RAPGEF2: variants seen among roughly 807,000 people sequenced by gnomAD.
RAPGEF2 encodes Rap guanine nucleotide exchange factor 2, also known as PDZ domain containing guanine nucleotide exchange factor (GEF) 1.
RAPGEF2 carries 54 observed loss-of-function variants against 186.7 expected under a neutral mutation model. That is an observed-to-expected ratio of 0.29 (90% CI 0.23 to 0.36). The LOEUF is 0.36. Ranked by LOEUF, RAPGEF2 falls within the 10% of genes least tolerant of loss-of-function variation. The pLI, the probability that RAPGEF2 is intolerant of heterozygous loss-of-function variation, is 1.00. For synonymous variants in RAPGEF2, 712 were observed against 705.9 expected (o/e 1.01, Z -0.14); for missense variants, 1,532 against 2,045.0 (o/e 0.75, Z 4.84).
At chr4:159,163,966 T>A (rs1202148410) in intron 1 of RAPGEF2, among the ~76,000 whole-genome samples, 2 of 152,180 alleles carry the variant, frequency 1.3e-5, no homozygotes, top group African/African-American at 4.8e-5. Flanking sequence ...ACTTCAAAGT[T>A]TGTTGGGTAG....
intron 7 of RAPGEF2, among the ~76,000 whole-genome samples, chr4:159,272,067 C>T (rs747675774): frequency 6.6e-6 from 1 of 152,092 alleles, no homozygotes; most frequent in Non-Finnish European, 1.5e-5. Context: ...AGTGCCTGAC[C>T]GTGGCCATTT....
At chr4:159,235,919 A>T (rs1329227367) in intron 4 of RAPGEF2, among the ~76,000 whole-genome samples, 1 of 152,186 alleles carries the variant, frequency 6.6e-6, no homozygotes, top group Non-Finnish European at 1.5e-5. Flanking sequence ...CTAAGAGCAC[A>T]TCATCTCTGT....
In RAPGEF2 at chr4:159,345,150, C is replaced by T; in HGVS notation, c.3323C>T (p.Ala1108Val). Residue 1108 changes from alanine to valine, a missense_variant, in exon 24 of 30, where the codon GCT (alanine) becomes GTT (valine). Physicochemically the swap from Ala to Val is moderately conservative, Grantham distance 64 (BLOSUM62 0). Coordinates refer to ENST00000691494, the MANE Select transcript of RAPGEF2 (RefSeq NM_001394067.2). Reference sequence around the variant, plus strand: ...ACAAATGCAACAGTGCTAGATGTTGCTCAGACAGGTGGTCATAAAAAGCGG... The same window carrying T: ...ACAAATGCAACAGTGCTAGATGTTGTTCAGACAGGTGGTCATAAAAAGCGG... ...GSTNATVLDVAQTGGHKKRVR... is the reference protein window; with the variant it reads ...GSTNATVLDVVQTGGHKKRVR... 2 of 1,614,138 alleles carry T rather than the reference C, an allele frequency of 1.2e-6. No homozygotes were observed. The highest frequency in any genetic ancestry group is 1.7e-6 in the Non-Finnish European group (2 of 1,179,990).
At chr4:159,167,099 C>T (rs1745401893) in intron 1 of RAPGEF2, among the ~76,000 whole-genome samples, 1 of 152,014 alleles carries the variant, frequency 6.6e-6, no homozygotes. Context: ...AAAAGTATGA[C>T]AGGAGACTTT....
chr4:159,261,329 T>C (rs1264545052), intron 7 of RAPGEF2, among the ~76,000 whole-genome samples: 1 of 152,152 alleles, frequency 6.6e-6, no homozygotes, highest in Non-Finnish European at 1.5e-5. Flanking sequence ...CCCAAAGTGC[T>C]GGGATTACGG....
intron 1 of RAPGEF2, among the ~76,000 whole-genome samples, chr4:159,109,215 G>A (rs963216951): frequency 6.6e-6 from 1 of 152,124 alleles, no homozygotes; most frequent in African/African-American, 2.4e-5. Context: ...CTTTGGCCAG[G>A]AGTGGTGACA....
At chr4:159,175,747 G>A (rs781256842) in intron 1 of RAPGEF2, among the ~76,000 whole-genome samples, 1 of 152,170 alleles carries the variant, frequency 6.6e-6, no homozygotes, top group Non-Finnish European at 1.5e-5. Context: ...ATTTCAGCCT[G>A]TATAGGTGTG....
chr4:159,152,878 A>G (rs953328567), intron 1 of RAPGEF2, among the ~76,000 whole-genome samples: 2 of 152,162 alleles, frequency 1.3e-5, no homozygotes, highest in African/African-American at 4.8e-5. Context: ...GGCCTCCCAA[A>G]GTGCTGGGAT....
rs117116057 is a variant in RAPGEF2 at position 159,200,999 on chromosome 4, T to A, written c.197+7743T>A. ...TTGTAAATACCAAAGCCCTTAACTC[T>A]TGTTAGTCCTCCTTCTAAAATTTGG... On this transcript the variant is annotated intron_variant, in intron 3 of 29. Transcript: ENST00000691494. Among the ~76,000 whole-genome samples the A allele has an allele frequency of 1.7e-4, 26 of 152,354 alleles. 1 individual carries two copies. In the East Asian group the frequency reaches 5.0e-3, roughly 29 times the overall value.
At chr4:159,159,670 A>T (rs2111214509) in intron 1 of RAPGEF2, among the ~76,000 whole-genome samples, 1 of 152,366 alleles carries the variant, frequency 6.6e-6, no homozygotes, top group African/African-American at 2.4e-5. Context: ...TACACATATT[A>T]CAGCAAATTA....
At chr4:159,272,297 A>C (rs888084069) in intron 7 of RAPGEF2, among the ~76,000 whole-genome samples, 1 of 152,184 alleles carries the variant, frequency 6.6e-6, no homozygotes, top group Non-Finnish European at 1.5e-5. Context: ...CTAAATTGCT[A>C]TTGGTCACTT....
chr4:159,210,656 T>G, intron 4 of RAPGEF2, 73 bp downstream of exon 4: 1 of 1,168,978 alleles, frequency 8.6e-7, no homozygotes, highest in Non-Finnish European at 1.2e-6. Context: ...GTTCTAAAAT[T>G]CTTTTCTCTT....
intron 7 of RAPGEF2, chr4:159,267,226 A>G (rs537195640): frequency 7.8e-7 from 1 of 1,289,110 alleles, no homozygotes; most frequent in East Asian, 5.5e-5. Flanking sequence ...GGAATTTTTT[A>G]TTTAGAAAAG....
intron 4 of RAPGEF2, among the ~76,000 whole-genome samples, chr4:159,223,255 G>C (rs1751710145): frequency 6.6e-6 from 1 of 151,982 alleles, no homozygotes; most frequent in African/African-American, 2.4e-5. Flanking sequence ...ATAGAAAATA[G>C]AATTTCTGCT....
rs1294153377 is a variant in RAPGEF2, at chr4:159,300,800, C to CA, written c.544-3541dup. ...GTTTAGAGTAAGGGATGCTTGCTGT[C>CA]ACGTTGTGCCTTGTATATATTTCTC... On this transcript the variant is annotated intron_variant, in intron 7 of 29. Transcript: ENST00000691494. Among the ~76,000 whole-genome samples, 9 of 152,246 alleles carry CA rather than the reference C, an allele frequency of 5.9e-5. No homozygotes were observed. In the South Asian group the frequency reaches 6.2e-4, roughly 11 times the overall value.
intron 26 of RAPGEF2, chr4:159,351,122 C>T: frequency 6.5e-7 from 1 of 1,535,488 alleles, no homozygotes; most frequent in Non-Finnish European, 8.7e-7. Flanking sequence ...AGTTCCTCCT[C>T]TTCTCTTGGA....
At chr4:159,230,490 T>C (rs906273381) in intron 4 of RAPGEF2, among the ~76,000 whole-genome samples, 4 of 152,150 alleles carry the variant, frequency 2.6e-5, no homozygotes, top group Non-Finnish European at 5.9e-5. Flanking sequence ...TCTTTAAAAA[T>C]TAAGGAGTCT....
intron 1 of RAPGEF2, among the ~76,000 whole-genome samples, chr4:159,109,264 G>C (rs1253328251): frequency 6.6e-6 from 1 of 152,132 alleles, no homozygotes; most frequent in African/African-American, 2.4e-5. Context: ...GCTGAGGTGG[G>C]AGGATCTCTT....
At position 159,126,532 on chromosome 4, in the gene RAPGEF2, A is replaced by T. The variant is rs79453511; in HGVS notation, c.69+22301A>T. On this transcript the variant is annotated intron_variant, in intron 1 of 29. Coordinates refer to ENST00000691494, the MANE Select transcript of RAPGEF2 (RefSeq NM_001394067.2). ...TTATTCTATCTCCTGTCCAGGTTTT[A>T]AAAAAAAAAAAAAGCCTGATGCCTC... Among the ~76,000 whole-genome samples the T allele has an allele frequency of 6.5e-3, 808 of 125,260 alleles. 3 individuals carry two copies. Among genetic ancestry groups the T allele is most frequent in the Non-Finnish European group, 7.6e-3 (427 of 56,426 alleles). 82.2% of individuals were successfully genotyped at this position (125,260 alleles called of 152,430 possible). A position where few individuals can be genotyped will look rare whatever the true frequency, so the allele number is the denominator to read the frequency against.
Sources: allele counts gnomAD v4.1 joint callset (sites outside exome capture counted in the v4.1 genomes callset), GRCh38; gene constraint gnomAD v4.1.1; transcripts MANE v1.5; gene names NCBI Gene and HGNC (gene_info 2026-07-23, HGNC 2026-07-21).